Variants in ANKS1B observed in about 807,000 individuals in gnomAD.
ANKS1B encodes the protein ankyrin repeat and sterile alpha motif domain-containing protein 1B.
Under a neutral mutation model 148.3 loss-of-function variants are expected in ANKS1B, and 36 were observed. That is an observed-to-expected ratio of 0.24 (90% CI 0.19 to 0.32). The LOEUF is 0.32. Ranked by LOEUF, ANKS1B falls within the 10% of genes least tolerant of loss-of-function variation. ANKS1B has a pLI of 1.00. For missense variants in ANKS1B, 1,157 were observed against 1,542.6 expected, an observed-to-expected ratio of 0.75 and a Z score of 4.19; for synonymous variants, 542 against 560.8, an observed-to-expected ratio of 0.97 and a Z score of 0.47.
chr12:99,172,754 TAAC>T (rs1015189044), intron 14 of ANKS1B, among the ~76,000 whole-genome samples: 2 of 149,754 alleles, frequency 1.3e-5, no homozygotes, highest in African/African-American at 4.9e-5. Flanking sequence ...TGAAAAATAA[TAAC>T]AATTTTTTTA....
intron 17 of ANKS1B, among the ~76,000 whole-genome samples, chr12:98,851,895 A>T (rs2099529053): frequency 6.6e-6 from 1 of 151,820 alleles, no homozygotes; most frequent in Non-Finnish European, 1.5e-5. Flanking sequence ...ATGGTGGTGC[A>T]CGCCTGTAGT....
At chr12:99,527,126 C>G (rs966778880) in intron 9 of ANKS1B, among the ~76,000 whole-genome samples, 13 of 152,086 alleles carry the variant, frequency 8.5e-5, no homozygotes, top group African/African-American at 2.9e-4. Context: ...GCCTTTAGAA[C>G]TGTGAGACAA....
At chr12:99,599,794 C>T (rs1456507988) in intron 9 of ANKS1B, among the ~76,000 whole-genome samples, 1 of 151,972 alleles carries the variant, frequency 6.6e-6, no homozygotes, top group African/African-American at 2.4e-5. Context: ...GAGGTGTCTG[C>T]ATGGCATCCA....
chr12:99,621,535 A>G (rs1240675609), intron 9 of ANKS1B, among the ~76,000 whole-genome samples: 3 of 152,060 alleles, frequency 2.0e-5, no homozygotes, highest in African/African-American at 7.2e-5. Context: ...CACCACCCAT[A>G]AGCTCAAGGT....
At chr12:99,396,500 A>G (rs1323831082) in intron 12 of ANKS1B, among the ~76,000 whole-genome samples, 1 of 152,180 alleles carries the variant, frequency 6.6e-6, no homozygotes, top group African/African-American at 2.4e-5. Flanking sequence ...TATCTTAGAA[A>G]ACCACTGTAA....
At chr12:99,141,094 T>G (rs1389500178) in intron 15 of ANKS1B, among the ~76,000 whole-genome samples, 1 of 152,094 alleles carries the variant, frequency 6.6e-6, no homozygotes, top group African/African-American at 2.4e-5. Flanking sequence ...CTTTATTCTT[T>G]CCATCCTTCT....
At chr12:99,910,836 C>T (rs1322571165) in intron 1 of ANKS1B, among the ~76,000 whole-genome samples, 1 of 152,074 alleles carries the variant, frequency 6.6e-6, no homozygotes, top group Admixed American at 6.5e-5. Flanking sequence ...GCAGTTTATC[C>T]ACTGAAATTT....
At chr12:99,766,551 T>C (rs2062663913) in intron 8 of ANKS1B, among the ~76,000 whole-genome samples, 1 of 152,128 alleles carries the variant, frequency 6.6e-6, no homozygotes, top group African/African-American at 2.4e-5. Flanking sequence ...TTTCAATATA[T>C]AAATGCAGGT....
At chr12:99,539,192 T>G (rs2097101753) in intron 9 of ANKS1B, among the ~76,000 whole-genome samples, 1 of 152,114 alleles carries the variant, frequency 6.6e-6, no homozygotes, top group Non-Finnish European at 1.5e-5. Flanking sequence ...ACGTAAAAAG[T>G]GTGGGTAAAG....
chr12:99,766,294 G>T (rs1343179905), intron 8 of ANKS1B, among the ~76,000 whole-genome samples: 1 of 152,052 alleles, frequency 6.6e-6, no homozygotes, highest in Non-Finnish European at 1.5e-5. Context: ...AAGAAGTAAT[G>T]CAAAACATAT....
chr12:99,008,749 C>T (rs947076676), intron 17 of ANKS1B, among the ~76,000 whole-genome samples: 1 of 152,140 alleles, frequency 6.6e-6, no homozygotes, highest in Non-Finnish European at 1.5e-5. Context: ...TAAAAACTAG[C>T]TAAGGGCACT....
At chr12:99,924,787 T>C (rs1466038458) in intron 1 of ANKS1B, among the ~76,000 whole-genome samples, 1 of 152,152 alleles carries the variant, frequency 6.6e-6, no homozygotes, top group Non-Finnish European at 1.5e-5. Context: ...AGAAATGAAT[T>C]GTTTATAAGC....
chr12:99,629,556 G>A (rs7313958), intron 9 of ANKS1B, among the ~76,000 whole-genome samples: 32,369 of 151,908 alleles, frequency 0.21, 3,790 homozygotes, highest in Non-Finnish European at 0.27. Context: ...ACACCTCTAG[G>A]ATGTAAGTGC....
chr12:99,645,493 A>T (rs553095798), intron 9 of ANKS1B, among the ~76,000 whole-genome samples: 1 of 152,316 alleles, frequency 6.6e-6, no homozygotes, highest in East Asian at 1.9e-4. Context: ...CTCAGGGGTC[A>T]TCTCCATTTC....
intron 10 of ANKS1B, among the ~76,000 whole-genome samples, chr12:99,488,588 C>T (rs1235839170): frequency 6.6e-6 from 1 of 152,008 alleles, no homozygotes; most frequent in Admixed American, 6.6e-5. Flanking sequence ...TTTAATATGC[C>T]CAGCTGCTCA....
In ANKS1B at chr12:99,679,396, C is replaced by A. The variant is rs970275714; in HGVS notation, c.1129-24186G>T. The stretch of plus-strand genomic sequence containing the variant: ...CCATCTCGACTCACTGCAACCTCCA[C>A]CCCCAGGCTCAAGCCATCCTCCCAC... On this transcript the variant is annotated intron_variant, in intron 8 of 26. Coordinates refer to ENST00000683438, the MANE Select transcript of ANKS1B (RefSeq NM_001352186.2). Among the ~76,000 whole-genome samples, 4 of 152,168 alleles carry A rather than the reference C, an allele frequency of 2.6e-5. No homozygotes were observed. The East Asian group carries it at 7.7e-4, about 29-fold the overall frequency.
chr12:99,525,034 G>A (rs1460657912), intron 9 of ANKS1B, among the ~76,000 whole-genome samples: 1 of 152,160 alleles, frequency 6.6e-6, no homozygotes, highest in Non-Finnish European at 1.5e-5. Flanking sequence ...AGAAAGGAAA[G>A]CAGCCCTTTC....
chr12:99,384,463 A>G (rs1024188418), intron 12 of ANKS1B, among the ~76,000 whole-genome samples: 15 of 152,192 alleles, frequency 9.9e-5, no homozygotes, highest in African/African-American at 3.6e-4. Flanking sequence ...TGCCATCTGT[A>G]TTATCTTGAA....
chr12:99,617,650 A>G (rs1255273456), intron 9 of ANKS1B, among the ~76,000 whole-genome samples: 1 of 152,052 alleles, frequency 6.6e-6, no homozygotes, highest in Non-Finnish European at 1.5e-5. Flanking sequence ...GGTTGGGGGA[A>G]AAAGGGAGGG....
Sources: allele counts gnomAD v4.1 joint callset (sites outside exome capture counted in the v4.1 genomes callset), GRCh38; gene constraint gnomAD v4.1.1; transcripts MANE v1.5; gene names NCBI Gene and HGNC (gene_info 2026-07-23, HGNC 2026-07-21).